The following ADAP1 variants were observed in gnomAD, a reference collection of about 807,000 sequenced individuals.
ADAP1 encodes arf-GAP with dual PH domain-containing protein 1.
A neutral mutation model predicts 54.9 loss-of-function variants in ADAP1; 31 were observed. The observed-to-expected ratio is 0.56, with a 90% CI of 0.42 to 0.76. ADAP1 has a LOEUF of 0.76. ADAP1 is among the 30% of genes least tolerant of loss of function. The pLI is 0.00. For synonymous variants in ADAP1, 313 were observed against 202.6 expected, an observed-to-expected ratio of 1.55 and a Z score of -4.63; for missense variants, 535 against 512.4, an observed-to-expected ratio of 1.04 and a Z score of -0.42.
At chr7:932,251 G>A (rs1183369530) in intron 2 of ADAP1, among the ~76,000 whole-genome samples, 2 of 152,130 alleles carry the variant, frequency 1.3e-5, no homozygotes, top group Non-Finnish European at 2.9e-5. Flanking sequence ...AATACCCACG[G>A]TGGGCCCTCC....
At chr7:954,369 C>T in intron 1 of ADAP1, 27 bp downstream of exon 1, 2 of 1,055,948 alleles carry the variant, frequency 1.9e-6, no homozygotes, top group Non-Finnish European at 2.3e-6. Flanking sequence ...ACCCACCCGG[C>T]CCCGCGCCCA....
chr7:902,022 A>T (rs1844843147), intron 6 of ADAP1, among the ~76,000 whole-genome samples: 2 of 151,838 alleles, frequency 1.3e-5, no homozygotes, highest in African/African-American at 4.8e-5. Flanking sequence ...GAGCTCTGTG[A>T]CCCTGCAGGC....
intron 2 of ADAP1, chr7:927,230 G>A: frequency 7.9e-7 from 1 of 1,267,808 alleles, no homozygotes; most frequent in Middle Eastern, 2.2e-4. Flanking sequence ...CGCCGTGAAG[G>A]AGGGGAGGTG....
intron 4 of ADAP1, among the ~76,000 whole-genome samples, chr7:913,197 CCT>C (rs1491465002): frequency 1.0e-5 from 1 of 99,450 alleles, no homozygotes; most frequent in Non-Finnish European, 2.0e-5. Flanking sequence ...TCCTCCCCTT[CCT>C]TTTTTTTTTT....
At chr7:906,079 G>GA (rs796882608) in intron 4 of ADAP1, among the ~76,000 whole-genome samples, 1 of 10,264 alleles carries the variant, frequency 9.7e-5, no homozygotes, top group Non-Finnish European at 1.4e-4. Flanking sequence ...AAGGAGAAAG[G>GA]GAAAGGAGAA....
intron 1 of ADAP1, among the ~76,000 whole-genome samples, chr7:951,199 C>A (rs1263627096): frequency 2.0e-5 from 3 of 151,970 alleles, no homozygotes; most frequent in Non-Finnish European, 2.9e-5. Flanking sequence ...ATGGTGAAAC[C>A]CCATCTCTAC....
intron 1 of ADAP1, among the ~76,000 whole-genome samples, chr7:937,123 GACCTCTGGGATTTGGGGGTCACGCCC>G (rs1846788602): frequency 9.5e-6 from 1 of 105,098 alleles, no homozygotes; most frequent in Admixed American, 9.4e-5. Flanking sequence ...GGTCACGCCC[GACCTCTGGGATTTGGGGGTCACGCCC>G]GGCCTCTGGG....
At position 898,712 on chromosome 7, in the gene ADAP1, A is replaced by C; in HGVS notation, c.*209T>G. ...TGGTCAGCAGCAGCATGACGGGGTT[A>C]GAGATCAGGCCCAGGGCCTGGGCTG... On this transcript the variant is annotated 3_prime_UTR_variant, in exon 11 of 11. Transcript: ENST00000265846. The C allele has an allele frequency of 2.5e-5, 16 of 631,748 alleles. No homozygotes were observed. The highest frequency in any genetic ancestry group is 3.3e-5 in the Non-Finnish European group (12 of 365,614). The allele number at this position is 631,748 out of a possible 1,614,324, so 39.1% of individuals were successfully genotyped here.
At chr7:935,539 A>G in intron 1 of ADAP1, 34 bp from the exon 2 acceptor site, 2 of 1,553,870 alleles carry the variant, frequency 1.3e-6, no homozygotes, top group Non-Finnish European at 1.7e-6. Context: ...ACGGAGGCTC[A>G]GCCCAGGGAC....
Position 926,647 on chromosome 7 carries a change from G to A in ADAP1, c.214-3C>T. ...TCGTTCCCGTGGGAGGCCATGAACT[G>A]CAAGAGAGGAGGGGCCGGGTCAGAG... On this transcript the variant is annotated splice_region_variant and splice_polypyrimidine_tract_variant and intron_variant, in intron 2 of 10. Coordinates refer to ENST00000265846, the MANE Select transcript of ADAP1 (RefSeq NM_006869.4). This position sits in a 1 kb window ranked among gnomAD's most constrained non-coding sequence, Gnocchi z 4.6. 1 of 1,541,602 alleles carries A rather than the reference G, an allele frequency of 6.5e-7. No individual in the cohort carries two copies. The highest frequency in any genetic ancestry group is 8.7e-7 in the Non-Finnish European group (1 of 1,143,310).
At chr7:907,236 G>A (rs756320218) in intron 4 of ADAP1, among the ~76,000 whole-genome samples, 19 of 152,156 alleles carry the variant, frequency 1.2e-4, no homozygotes, top group African/African-American at 2.2e-4. Flanking sequence ...ACCTGGACAC[G>A]CCACCTTCTA....
Position 948,632 on chromosome 7 carries a change from C to T in ADAP1, c.82+5764G>A, listed in dbSNP as rs535080009. On this transcript the variant is annotated intron_variant, in intron 1 of 10. Coordinates refer to ENST00000265846, the MANE Select transcript of ADAP1 (RefSeq NM_006869.4). The stretch of plus-strand genomic sequence containing the variant: ...GTCAGTTTGCTCCTCCCTGACCCAC[C>T]TCCCAGCCCATAGGTGCCCAGTACT... Among the ~76,000 whole-genome samples, 5 of 152,264 alleles carry T rather than the reference C, an allele frequency of 3.3e-5. 1 individual carries two copies. Among genetic ancestry groups the T allele is most frequent in the African/African-American group, 1.2e-4 (5 of 41,546 alleles).
rs550721571 is a variant in ADAP1, at chr7:920,808, G to C, written c.306-758C>G. 1.6e-5 allele frequency: 25 copies of C among 1,550,160 alleles called. No homozygotes were observed. The East Asian group carries it at 4.9e-4, about 30-fold the overall frequency. On this transcript the variant is annotated intron_variant, in intron 3 of 10. Transcript: ENST00000265846. This position sits in a 1 kb window ranked among gnomAD's most constrained non-coding sequence, Gnocchi z 4.5. ...CTCGAGTGAAGCCAATACCATTGCAGAAACCACGACCCACACACAGGCCCG... is the reference window on the plus strand; with the variant it reads ...CTCGAGTGAAGCCAATACCATTGCACAAACCACGACCCACACACAGGCCCG...
In ADAP1 at chr7:905,056, T is replaced by C; in HGVS notation, c.501+4A>G. Reference sequence around the variant, plus strand: ...CCCCCACCCCACCCCCGTCTGTGACTCACATCATTTCTGTTGAAATACTTC... The same window carrying C: ...CCCCCACCCCACCCCCGTCTGTGACCCACATCATTTCTGTTGAAATACTTC... On this transcript the variant is annotated splice_donor_region_variant and intron_variant, in intron 5 of 10. Coordinates refer to ENST00000265846, the MANE Select transcript of ADAP1 (RefSeq NM_006869.4). The C allele has an allele frequency of 6.2e-7, 1 of 1,609,658 alleles. No homozygotes were observed. The highest frequency in any genetic ancestry group is 8.5e-7 in the Non-Finnish European group (1 of 1,179,616).
chr7:917,299 G>A (rs1488462916), intron 4 of ADAP1, among the ~76,000 whole-genome samples: 2 of 87,428 alleles, frequency 2.3e-5, no homozygotes, highest in African/African-American at 9.6e-5. Context: ...GGAGGTGCAC[G>A]GGAGGGGGGG....
In ADAP1 at chr7:920,143, G is replaced by A. The variant is rs1431121604; in HGVS notation, c.306-93C>T. The A allele has an allele frequency of 1.7e-6, 2 of 1,143,474 alleles. No individual in the cohort carries two copies. The highest frequency in any genetic ancestry group is 5.1e-5 in the East Asian group (2 of 39,488). 70.8% of individuals were successfully genotyped at this position (1,143,474 alleles called of 1,614,324 possible). On this transcript the variant is annotated intron_variant, in intron 3 of 10. Coordinates refer to ENST00000265846, the MANE Select transcript of ADAP1 (RefSeq NM_006869.4). This position sits in a 1 kb window ranked among gnomAD's most constrained non-coding sequence, Gnocchi z 4.5. ...GGCCCGGACCCTGGACATCTCAAGA[G>A]GCTCATAGGGACCCCCGGCAGACTC...
Position 899,427 on chromosome 7 carries a change from C to G in ADAP1, c.859G>C (p.Asp287His). The G allele has an allele frequency of 6.2e-7, 1 of 1,613,102 alleles. No individual in the cohort carries two copies. Among genetic ancestry groups the G allele is most frequent in the Non-Finnish European group, 8.5e-7 (1 of 1,179,886 alleles). The stretch of plus-strand genomic sequence containing the variant: ...CCACAGCTCCTCCTTACCAGGGGGT[C>G]TTTGAAGTACATGAGCCTGCGGTCA... ...MDDRRLMYFK[D>H]PLDAFARGEV... Residue 287 changes from aspartate to histidine, a missense_variant, in exon 9 of 11, where the codon GAC (aspartate) becomes CAC (histidine). Coordinates refer to ENST00000265846, the MANE Select transcript of ADAP1 (RefSeq NM_006869.4).
chr7:919,309 C>T (rs879322196), intron 4 of ADAP1, among the ~76,000 whole-genome samples: 52 of 152,168 alleles, frequency 3.4e-4, no homozygotes, highest in Non-Finnish European at 5.7e-4. Context: ...AGGCCACCCC[C>T]GAATGGAAGT....
chr7:906,669 G>GAGAAAGGA (rs1562915049), intron 4 of ADAP1, among the ~76,000 whole-genome samples: 1 of 104,310 alleles, frequency 9.6e-6, no homozygotes, highest in African/African-American at 4.6e-5. Context: ...GCGGGAAAGG[G>GAGAAAGGA]GACATGGACA....
Sources: allele counts gnomAD v4.1 joint callset (sites outside exome capture counted in the v4.1 genomes callset), GRCh38; gene constraint gnomAD v4.1.1; non-coding constraint Gnocchi (gnomAD v3.1); transcripts MANE v1.5; gene names NCBI Gene and HGNC (gene_info 2026-07-23, HGNC 2026-07-21).